Variants in RP1 observed in about 807,000 individuals in gnomAD.
The protein encoded by RP1 is RP1 axonemal microtubule associated, also known as oxygen-regulated protein 1.
In RP1, 16 loss-of-function variants were observed where a neutral mutation model predicts 14.8. The observed-to-expected ratio is 1.08, with a 90% CI of 0.73 to 1.65. The LOEUF (loss-of-function observed/expected upper bound fraction) is 1.65, where lower values mean the gene tolerates loss of function less well. Among genes scored for constraint, RP1 ranks in the 40% most tolerant of loss-of-function variants. The pLI is 0.00. For missense variants in RP1, 2,631 were observed against 2,535.0 expected (o/e 1.04, Z -0.81); for synonymous variants, 876 against 883.6 (o/e 0.99, Z 0.15).
intron 6 of RP1, chr8:54,663,576 GT>G: frequency 1.1e-6 from 1 of 893,608 alleles, no homozygotes; most frequent in South Asian, 2.7e-5. Context: ...ACTGCCTGTG[GT>G]TTCTGGCATC....
At chr8:54,588,103 AC>A (rs1259051311) in intron 1 of RP1, among the ~76,000 whole-genome samples, 6 of 152,200 alleles carry the variant, frequency 3.9e-5, no homozygotes, top group Admixed American at 6.5e-5. Context: ...TCAACTTGTG[AC>A]TTTATGCTGT....
At chr8:54,559,730 G>A (rs1804243894) in intron 1 of RP1, among the ~76,000 whole-genome samples, 2 of 152,182 alleles carry the variant, frequency 1.3e-5, no homozygotes, top group South Asian at 4.1e-4. Flanking sequence ...TCCGTCTTAG[G>A]TTTTCCGGAG....
intron 1 of RP1, among the ~76,000 whole-genome samples, chr8:54,580,701 C>T (rs977740553): frequency 4.0e-5 from 6 of 151,324 alleles, no homozygotes; most frequent in African/African-American, 7.3e-5. Context: ...TCACTGCAAC[C>T]TCTGCCTCCT....
intron 16 of RP1, among the ~76,000 whole-genome samples, chr8:54,723,396 A>AT (rs1387905166): frequency 2.0e-5 from 3 of 151,986 alleles, no homozygotes; most frequent in Non-Finnish European, 4.4e-5. Flanking sequence ...TCTGTGATTG[A>AT]TTTTTTTCAT....
At chr8:54,583,974 G>A (rs1229628034) in intron 1 of RP1, among the ~76,000 whole-genome samples, 1 of 151,862 alleles carries the variant, frequency 6.6e-6, no homozygotes, top group African/African-American at 2.4e-5. Flanking sequence ...TTGATTTTTT[G>A]AAGGGTTTTT....
chr8:54,621,258 CT>C lies in RP1; in HGVS notation c.293del (p.Leu98ArgfsTer18). The C allele has an allele frequency of 1.2e-6, 2 of 1,614,136 alleles. No individual in the cohort carries two copies. The highest frequency in any genetic ancestry group is 1.7e-6 in the Non-Finnish European group (2 of 1,180,044). On this transcript the variant is annotated frameshift_variant, in exon 2 of 4. Coordinates refer to ENST00000220676, the MANE Select transcript of RP1 (RefSeq NM_006269.2). LOFTEE classifies it high-confidence loss of function. ...GRHSITRLEELEDGESYLCSH... is the reference protein window; with the variant it reads ...GRHSITRLEEXEDGESYLCSH... ...GCACAGCATCACGCGCCTGGAGGAG[CT>C]GGAGGACGGCGAGTCCTACCTATGT... is the stretch of plus-strand genomic sequence containing the variant.
chr8:54,616,478 C>T (rs1190068847), intron 1 of RP1, among the ~76,000 whole-genome samples: 1 of 152,114 alleles, frequency 6.6e-6, no homozygotes, highest in East Asian at 1.9e-4. Flanking sequence ...ACAATAAAAG[C>T]ATTATATACT....
rs373547945 is a variant in RP1 at position 54,811,513 on chromosome 8, A to C, written c.3616-25937A>C. Among the ~76,000 whole-genome samples, 4 of 152,352 alleles carry C rather than the reference A, an allele frequency of 2.6e-5. No homozygotes were observed. The East Asian group carries it at 7.7e-4, about 29-fold the overall frequency. Reference sequence around the variant, plus strand: ...TAATCACATTAGTAATTAACATTTTAAGATCTGCAACCATTTCTGAGCTGT... The same window carrying C: ...TAATCACATTAGTAATTAACATTTTCAGATCTGCAACCATTTCTGAGCTGT... On this transcript the variant is annotated intron_variant, in intron 24 of 28. Transcript: ENST00000637698.
intron 18 of RP1, chr8:54,734,854 G>A (rs1563361554): frequency 8.1e-6 from 7 of 866,582 alleles, no homozygotes; most frequent in Non-Finnish European, 1.1e-5. Flanking sequence ...ATGAACCTCT[G>A]GTCTTTTAGA....
chr8:54,679,286 T>C (rs557571644), intron 9 of RP1: 442 of 737,274 alleles, frequency 6.0e-4, no homozygotes, highest in Non-Finnish European at 9.2e-4. Flanking sequence ...TCTGTACTGC[T>C]CTGCCTTTGA....
chr8:54,654,981 T>A (rs2375080), intron 5 of RP1, among the ~76,000 whole-genome samples: 1 of 152,200 alleles, frequency 6.6e-6, no homozygotes, highest in African/African-American at 2.4e-5. Flanking sequence ...GATTTTAAAA[T>A]CATTGAAGTT....
intron 22 of RP1, among the ~76,000 whole-genome samples, chr8:54,766,495 T>G (rs1809764153): frequency 6.6e-6 from 1 of 152,150 alleles, no homozygotes. Context: ...CAAGTAGTGA[T>G]GGTGGGAAAC....
chr8:54,775,070 T>C (rs113704779), intron 23 of RP1, among the ~76,000 whole-genome samples: 1 of 150,534 alleles, frequency 6.6e-6, no homozygotes, highest in Non-Finnish European at 1.5e-5. Flanking sequence ...CTAGTTGTGA[T>C]GACAAAAAAA....
intron 15 of RP1, among the ~76,000 whole-genome samples, chr8:54,708,859 C>G (rs922379876): frequency 2.6e-5 from 4 of 152,130 alleles, no homozygotes; most frequent in African/African-American, 7.2e-5. Flanking sequence ...TGACTCAGCT[C>G]TATCTGATGG....
At chr8:54,808,487 C>T (rs996167085) in intron 24 of RP1, among the ~76,000 whole-genome samples, 9 of 152,128 alleles carry the variant, frequency 5.9e-5, no homozygotes, top group African/African-American at 2.2e-4. Context: ...AGGTTGCTAG[C>T]ATGTGGGGTA....
At chr8:54,658,842 T>A (rs1401920902) in intron 6 of RP1, among the ~76,000 whole-genome samples, 3 of 151,490 alleles carry the variant, frequency 2.0e-5, no homozygotes, top group African/African-American at 7.3e-5. Flanking sequence ...CAATTTTACA[T>A]CCCACAAGGG....
rs570867212 is a variant in RP1 at position 54,790,076 on chromosome 8, G to A, written c.3615+6366G>A. ...CAGCAGCACTTCTTGGCCAGGGAAAGCAGCCTATAACTCTGCCCAACCAGA... is the reference window on the plus strand; with the variant it reads ...CAGCAGCACTTCTTGGCCAGGGAAAACAGCCTATAACTCTGCCCAACCAGA... On this transcript the variant is annotated intron_variant, in intron 24 of 28. Coordinates refer to the RP1 transcript ENST00000637698. Among the ~76,000 whole-genome samples, 6 of 152,262 alleles carry A rather than the reference G, an allele frequency of 3.9e-5. No homozygotes were observed. In the South Asian group the frequency reaches 1.2e-3, roughly 32 times the overall value.
intron 19 of RP1, among the ~76,000 whole-genome samples, chr8:54,745,868 T>G (rs1417397545): frequency 6.6e-6 from 1 of 152,196 alleles, no homozygotes; most frequent in African/African-American, 2.4e-5. Context: ...GTACTCACAT[T>G]TGGCAGTTCT....
chr8:54,773,606 T>C (rs1809961768), downstream of RP1, among the ~76,000 whole-genome samples: 1 of 152,108 alleles, frequency 6.6e-6, no homozygotes, highest in Non-Finnish European at 1.5e-5. Flanking sequence ...CACTGCACTC[T>C]GGCCTGGGCA....
Sources: allele counts gnomAD v4.1 joint callset (sites outside exome capture counted in the v4.1 genomes callset), GRCh38; gene constraint gnomAD v4.1.1; transcripts MANE v1.5; gene names NCBI Gene and HGNC (gene_info 2026-07-23, HGNC 2026-07-21).